TTC6: variants seen among roughly 807,000 people sequenced by gnomAD.
TTC6 encodes tetratricopeptide repeat domain 6.
In TTC6, 172 loss-of-function variants were observed where a neutral mutation model predicts 210.4. The observed-to-expected ratio is 0.82, with a 90% CI of 0.72 to 0.93. The LOEUF (loss-of-function observed/expected upper bound fraction) is 0.93. Among genes scored for constraint, TTC6 ranks in the 40% least tolerant of loss-of-function variants. The pLI is 0.00. For missense variants in TTC6, 2,414 were observed against 2,318.1 expected (o/e 1.04, Z -0.85); for synonymous variants, 804 against 819.6 (o/e 0.98, Z 0.32).
intron 1 of TTC6, among the ~76,000 whole-genome samples, chr14:37,661,894 G>A (rs1311468885): frequency 6.6e-6 from 1 of 152,066 alleles, no homozygotes; most frequent in East Asian, 1.9e-4. Flanking sequence ...TCCCTTGTTA[G>A]CTGTATTCCT....
At chr14:37,804,212 C>A (rs1208923089) in intron 20 of TTC6, among the ~76,000 whole-genome samples, 3 of 152,048 alleles carry the variant, frequency 2.0e-5, no homozygotes, top group Admixed American at 6.5e-5. Context: ...GCCAATAAAA[C>A]CCTATTAGGA....
At chr14:37,766,935 A>G (rs2096001285) in intron 14 of TTC6, among the ~76,000 whole-genome samples, 1 of 144,206 alleles carries the variant, frequency 6.9e-6, no homozygotes, top group Non-Finnish European at 1.6e-5. Flanking sequence ...ATATCTCCCA[A>G]TGCTATCCCT....
intron 6 of TTC6, among the ~76,000 whole-genome samples, chr14:37,716,314 A>C (rs1169650006): frequency 6.6e-6 from 1 of 152,178 alleles, no homozygotes; most frequent in Non-Finnish European, 1.5e-5. Context: ...CAGAGCAGAC[A>C]GGAAACAAAA....
At chr14:37,742,225 T>A (rs1242535132) in intron 10 of TTC6, among the ~76,000 whole-genome samples, 1 of 152,162 alleles carries the variant, frequency 6.6e-6, no homozygotes, top group African/African-American at 2.4e-5. Context: ...TAATTGTCCT[T>A]AGTCTTAACT....
chr14:37,725,791 T>A (rs898783713), intron 7 of TTC6, among the ~76,000 whole-genome samples: 3 of 152,192 alleles, frequency 2.0e-5, no homozygotes, highest in African/African-American at 7.2e-5. Context: ...GCTACTTCAG[T>A]TGTTTAGAGA....
At chr14:37,732,880 A>AC (rs35936821) in intron 7 of TTC6, among the ~76,000 whole-genome samples, 64,792 of 151,902 alleles carry the variant, frequency 0.43, 14,472 homozygotes, top group Non-Finnish European at 0.5. Context: ...TGCTGGACTT[A>AC]AAGCGTGAGC....
intron 1 of TTC6, among the ~76,000 whole-genome samples, chr14:37,664,948 A>G (rs1361825103): frequency 1.3e-5 from 2 of 150,662 alleles, no homozygotes; most frequent in Non-Finnish European, 3.0e-5. Flanking sequence ...CCACAATGAG[A>G]TATCATCTCA....
At chr14:37,829,632 G>T (rs934453620) in intron 29 of TTC6, among the ~76,000 whole-genome samples, 3 of 151,724 alleles carry the variant, frequency 2.0e-5, no homozygotes, top group African/African-American at 7.3e-5. Flanking sequence ...CAGTCTCTTG[G>T]GTATAAAAAT....
chr14:37,763,954 AT>A (rs1271742450), intron 14 of TTC6, among the ~76,000 whole-genome samples: 2 of 151,764 alleles, frequency 1.3e-5, no homozygotes, highest in Non-Finnish European at 2.9e-5. Flanking sequence ...TACATTTCTC[AT>A]TGCTTTGCTG....
chr14:37,774,125 T>C (rs971050333), intron 14 of TTC6, among the ~76,000 whole-genome samples: 2 of 152,198 alleles, frequency 1.3e-5, no homozygotes, highest in African/African-American at 4.8e-5. Context: ...CCTGAAACTT[T>C]TCTGAAGTTG....
In TTC6 at chr14:37,606,269, G is replaced by T. The variant is rs143353638; in HGVS notation, c.-234-394G>T. 2.5e-3 allele frequency among the ~76,000 whole-genome samples: 385 copies of T among 152,264 alleles called. 3 individuals are homozygous for T. The highest frequency in any genetic ancestry group is 8.8e-3 in the African/African-American group (367 of 41,540). ...TAGGGGACTCTGGGGGTTATTCTCT[G>T]TTATACTCTCTGGCTGCCCCCTTTG... On this transcript the variant is annotated intron_variant, in intron 1 of 2. Coordinates refer to the TTC6 transcript ENST00000556845.
At chr14:37,622,696 A>C in exon 1 of TTC6, 1 of 1,535,104 alleles carries the variant, frequency 6.5e-7, no homozygotes, top group Non-Finnish European at 8.7e-7. Context: ...GTCTCCGCAG[A>C]GGACGGCTAC....
At chr14:37,605,936 T>A (rs532407329) in intron 1 of TTC6, among the ~76,000 whole-genome samples, 83 of 152,076 alleles carry the variant, frequency 5.5e-4, no homozygotes, top group African/African-American at 1.7e-3. Flanking sequence ...GCTATTTTTA[T>A]CCTGCCTTAA....
exon 30 of TTC6, chr14:37,841,620 T>G: frequency 6.2e-7 from 1 of 1,603,760 alleles, no homozygotes; most frequent in Non-Finnish European, 8.5e-7. Context: ...AGAGCACATT[T>G]CTACTACTGC....
intron 1 of TTC6, among the ~76,000 whole-genome samples, chr14:37,645,038 C>G (rs1201624435): frequency 6.6e-6 from 1 of 152,162 alleles, no homozygotes; most frequent in Non-Finnish European, 1.5e-5. Flanking sequence ...TTAGTACGTA[C>G]TACTACATTA....
chr14:37,841,372 A>G (rs2096209640), intron 29 of TTC6, 73 bp from the exon 32 acceptor site: 7 of 1,293,722 alleles, frequency 5.4e-6, no homozygotes, highest in Non-Finnish European at 7.4e-6. Flanking sequence ...TTTAAAATTA[A>G]GAGTAAAAGT....
chr14:37,779,352 G>C (rs1034252707), intron 14 of TTC6, among the ~76,000 whole-genome samples: 1 of 141,360 alleles, frequency 7.1e-6, no homozygotes, highest in East Asian at 2.1e-4. Flanking sequence ...TCTGTGACTA[G>C]TTGGCCTGCT....
At chr14:37,671,711 A>G (rs1421272423) in intron 1 of TTC6, among the ~76,000 whole-genome samples, 2 of 152,136 alleles carry the variant, frequency 1.3e-5, no homozygotes, top group East Asian at 1.9e-4. Flanking sequence ...TTGGCTCTGT[A>G]TCTCCACCCA....
At chr14:37,763,382 G>T (rs184882722) in intron 14 of TTC6, among the ~76,000 whole-genome samples, 1 of 152,174 alleles carries the variant, frequency 6.6e-6, no homozygotes, top group East Asian at 1.9e-4. Flanking sequence ...TTTTGAGAAC[G>T]CTTGGTGTTA....
Sources: gnomAD v4.1 joint callset for allele counts (sites outside exome capture counted in the v4.1 genomes callset) on GRCh38, gnomAD v4.1.1 for gene constraint, MANE v1.5 for transcripts, NCBI Gene and HGNC (gene_info 2026-07-23, HGNC 2026-07-21) for gene names.